The following WDR46 variants were observed in gnomAD, a reference collection of about 807,000 sequenced individuals.
WDR46 encodes the protein WD repeat-containing protein 46.
A neutral mutation model predicts 74.7 loss-of-function variants in WDR46; 58 were observed. The observed-to-expected ratio is 0.78, with a 90% CI of 0.63 to 0.97. The LOEUF (loss-of-function observed/expected upper bound fraction) is 0.97, where lower values mean the gene tolerates loss of function less well. Ranked by LOEUF, WDR46 falls within the 50% of genes least tolerant of loss-of-function variation. The pLI, the probability that WDR46 is intolerant of heterozygous loss-of-function variation, is 0.00. For missense variants in WDR46, 702 were observed against 790.1 expected, an observed-to-expected ratio of 0.89 and a Z score of 1.34; for synonymous variants, 278 against 297.3, an observed-to-expected ratio of 0.93 and a Z score of 0.67.
At chr6:33,286,655 C>T in intron 10 of WDR46, 140 bp downstream of exon 10, 1 of 777,972 alleles carries the variant, frequency 1.3e-6, no homozygotes, top group Non-Finnish European at 2.1e-6. Context: ...TATGCCTATA[C>T]TTGCAAGGCC....
intron 10 of WDR46, among the ~76,000 whole-genome samples, chr6:33,283,385 G>A (rs1766355034): frequency 6.6e-6 from 1 of 151,896 alleles, no homozygotes; most frequent in African/African-American, 2.4e-5. Flanking sequence ...GAGCCCAGGA[G>A]TTCAAGACAG....
Position 33,288,981 on chromosome 6 carries a change from A to T in WDR46, c.102T>A (p.Val34=). The stretch of plus-strand genomic sequence containing the variant: ...CTGGAGAGGCTCCGGCTGTGGTCGG[A>T]ACGGTCTCTTCCTCCCAGTATCGCC... ...KPRRYWEEET[V]PTTAGASPGP... The change falls in exon 2 of 15, where the codon GTT becomes GTA. Residue 34 remains valine, a synonymous_variant. Transcript: ENST00000374617. 1 of 1,613,988 alleles carries T rather than the reference A, an allele frequency of 6.2e-7. No homozygotes were observed.
chr6:33,279,225 C>T lies in WDR46; in HGVS notation c.*51G>A. 2 of 1,609,850 alleles carry T rather than the reference C, an allele frequency of 1.2e-6. No homozygotes were observed. Among genetic ancestry groups the T allele is most frequent in the South Asian group, 1.1e-5 (1 of 90,634 alleles). Reference sequence around the variant, plus strand: ...CTTGTTCCAGGGAACACTCATTTCCCTACAGGTGATCTTGGGGAGAGACTG... The same window carrying T: ...CTTGTTCCAGGGAACACTCATTTCCTTACAGGTGATCTTGGGGAGAGACTG... On this transcript the variant is annotated 3_prime_UTR_variant, in exon 15 of 15. Coordinates refer to ENST00000374617, the MANE Select transcript of WDR46 (RefSeq NM_005452.6).
In WDR46 at chr6:33,286,776, C is replaced by T. The variant is rs563381469; in HGVS notation, c.1115+19G>A. ...TGCCCACCTATGACTCCTAACACCT[C>T]ACCCCACCAGTGACTTACGTGCCTG... On this transcript the variant is annotated intron_variant, in intron 10 of 14. Transcript: ENST00000374617. The T allele has an allele frequency of 2.0e-5, 32 of 1,582,492 alleles. No individual in the cohort carries two copies. In the East Asian group the frequency reaches 5.7e-4, roughly 28 times the overall value.
chr6:33,280,397 G>C, intron 12 of WDR46, 31 bp downstream of exon 12: 1 of 1,550,686 alleles, frequency 6.4e-7, no homozygotes, highest in Non-Finnish European at 8.7e-7. Context: ...CAATGGGGGG[G>C]ATCTCACCCT....
intron 10 of WDR46, among the ~76,000 whole-genome samples, chr6:33,284,148 C>T (rs746164103): frequency 4.6e-5 from 7 of 150,884 alleles, no homozygotes; most frequent in Non-Finnish European, 5.9e-5. Context: ...ACTCAGGAGG[C>T]TGAGGCAGGA....
intron 10 of WDR46, among the ~76,000 whole-genome samples, chr6:33,285,758 C>T (rs1178195889): frequency 2.0e-5 from 3 of 152,036 alleles, no homozygotes; most frequent in African/African-American, 7.2e-5. Context: ...CTCCTGACCT[C>T]AGGCGATCCA....
At chr6:33,285,657 G>A (rs1321231549) in intron 10 of WDR46, among the ~76,000 whole-genome samples, 9 of 151,630 alleles carry the variant, frequency 5.9e-5, no homozygotes, top group Admixed American at 3.3e-4. Context: ...CCAAGTTGCC[G>A]GAATTACAGG....
At chr6:33,282,950 G>A (rs1420374417) in intron 10 of WDR46, among the ~76,000 whole-genome samples, 5 of 152,148 alleles carry the variant, frequency 3.3e-5, no homozygotes, top group Non-Finnish European at 7.4e-5. Flanking sequence ...GGTGGCTCAC[G>A]CCTATAATCC....
At position 33,288,353 on chromosome 6, in the gene WDR46, C is replaced by T. The variant is rs767885636; in HGVS notation, c.473+5G>A. 2.5e-6 allele frequency: 4 copies of T among 1,614,046 alleles called. No homozygotes were observed. The highest frequency in any genetic ancestry group is 1.1e-5 in the South Asian group (1 of 91,092). On this transcript the variant is annotated splice_donor_5th_base_variant and intron_variant, in intron 4 of 14. Coordinates refer to ENST00000374617, the MANE Select transcript of WDR46 (RefSeq NM_005452.6). ...GAATGGGGGTCCAGATTAGGGCTCA[C>T]TCACCCAGGTTCTTCAGCAAGCAGC...
Position 33,289,174 on chromosome 6 carries a change from G to C in WDR46, c.-4C>G, listed in dbSNP as rs1767033681. On this transcript the variant is annotated 5_prime_UTR_variant, in exon 1 of 15. Transcript: ENST00000374617. The stretch of plus-strand genomic sequence containing the variant: ...CCGGCTTGGGGGCTGTCTCCATCTC[G>C]CCCACCCGAACGGCGATCCACGTGC... 6.2e-7 allele frequency: 1 copy of C among 1,608,474 alleles called. No individual in the cohort carries two copies. The highest frequency in any genetic ancestry group is 8.5e-7 in the Non-Finnish European group (1 of 1,177,648).
At chr6:33,283,143 AG>A (rs745807576) in intron 10 of WDR46, among the ~76,000 whole-genome samples, 3 of 151,798 alleles carry the variant, frequency 2.0e-5, no homozygotes, top group Non-Finnish European at 4.4e-5. Context: ...CAGGAGGTGG[AG>A]GTTGCAGTGA....
Position 33,288,795 on chromosome 6 carries a change from C to T in WDR46, c.279+9G>A. 3 of 1,614,066 alleles carry T rather than the reference C, an allele frequency of 1.9e-6. No homozygotes were observed. On this transcript the variant is annotated intron_variant, in intron 2 of 14. Transcript: ENST00000374617. ...GCCTGCCTCGCCACCCATCAGGTCC[C>T]ACGCTCACCCCGGACAAGCCGCGCT...
rs1190466622 is a variant in WDR46 at position 33,280,704 on chromosome 6, T to C, written c.1399A>G (p.Thr467Ala). Residue 467 changes from threonine (T) to alanine (A), a missense_variant, in exon 11 of 15, where the codon ACT becomes GCT. Thr to Ala is a moderately conservative substitution (Grantham distance 58). Transcript: ENST00000374617. ...ACCAGCATGCTGGTGATGCCCCCAGTGTGCCCCACCCCCAGCACATCTTCA... is the reference window on the plus strand; with the variant it reads ...ACCAGCATGCTGGTGATGCCCCCAGCGTGCCCCACCCCCAGCACATCTTCA... ...PFEDVLGVGH[T>A]GGITSMLVPG... 1 of 1,590,118 alleles carries C rather than the reference T, an allele frequency of 6.3e-7. No individual in the cohort carries two copies. The highest frequency in any genetic ancestry group is 1.3e-5 in the African/African-American group (1 of 74,586).
chr6:33,284,581 G>T (rs2150903785), intron 10 of WDR46: 1 of 153,896 alleles, frequency 6.5e-6, no homozygotes, highest in South Asian at 2.1e-4. Context: ...GCTAAGCGCT[G>T]TGCTAAACTA....
chr6:33,288,976 G>A lies in WDR46; in HGVS notation c.107C>T (p.Thr36Ile), dbSNP rs1337681298. ...AGGCCCTGGAGAGGCTCCGGCTGTG[G>A]TCGGAACGGTCTCTTCCTCCCAGTA... ...RRYWEEETVP[T>I]TAGASPGPPR... The change falls in exon 2 of 15, where the codon ACC becomes ATC. Residue 36 changes from threonine to isoleucine, a missense_variant. Physicochemically the swap from Thr to Ile is moderately conservative, Grantham distance 89. Transcript: ENST00000374617. 1 of 1,614,092 alleles carries A rather than the reference G, an allele frequency of 6.2e-7. No individual in the cohort carries two copies. The highest frequency in any genetic ancestry group is 1.7e-5 in the Admixed American group (1 of 60,012).
At chr6:33,283,278 G>C (rs1158156070) in intron 10 of WDR46, among the ~76,000 whole-genome samples, 1 of 152,054 alleles carries the variant, frequency 6.6e-6, no homozygotes, top group African/African-American at 2.4e-5. Context: ...GCATCCTGGA[G>C]ACTTTGAATA....
chr6:33,288,120 C>A, intron 5 of WDR46, 28 bp downstream of exon 5: 1 of 1,614,194 alleles, frequency 6.2e-7, no homozygotes, highest in Non-Finnish European at 8.5e-7. Context: ...CAATCAATCC[C>A]TTGGCTCCTT....
Position 33,279,571 on chromosome 6 carries a change from G to A in WDR46, c.1660C>T (p.Pro554Ser), listed in dbSNP as rs1765942023. The A allele has an allele frequency of 6.2e-7, 1 of 1,614,044 alleles. No homozygotes were observed. Among genetic ancestry groups the A allele is most frequent in the Non-Finnish European group, 8.5e-7 (1 of 1,180,046 alleles). Residue 554 changes from proline to serine, a missense_variant, in exon 14 of 15, where the codon CCA becomes TCA. By Grantham distance (74) the Pro-to-Ser change is moderately conservative (BLOSUM62 -1). Coordinates refer to ENST00000374617, the MANE Select transcript of WDR46 (RefSeq NM_005452.6). ...PQAKAPFQPK[P>S]KQKGRSSTAS... is the part of the protein sequence containing the mutation. ...GTGGAGCTGCGGCCCTTCTGCTTTG[G>A]CTTTGGCTGGAAGGGAGCCTTAGCC...
Sources: gnomAD v4.1 joint callset for allele counts (sites outside exome capture counted in the v4.1 genomes callset) on GRCh38, gnomAD v4.1.1 for gene constraint, MANE v1.5 for transcripts, NCBI Gene and HGNC (gene_info 2026-07-23, HGNC 2026-07-21) for gene names.